LYRM2: variants seen among roughly 807,000 people sequenced by gnomAD.
LYRM2 encodes LYR motif containing 2.
A neutral mutation model predicts 11.6 loss-of-function variants in LYRM2; 8 were observed. That is an observed-to-expected ratio of 0.69 (90% CI 0.40 to 1.24). The LOEUF (loss-of-function observed/expected upper bound fraction) is 1.24, where lower values mean the gene tolerates loss of function less well. Among genes scored for constraint, LYRM2 ranks in the 50% most tolerant of loss-of-function variants. The probability of loss-of-function intolerance (pLI) is 0.01; values close to 1 mark genes in which losing one functional copy is unlikely to be tolerated. For missense variants in LYRM2, 117 were observed against 102.9 expected (o/e 1.14, Z -0.59); for synonymous variants, 30 against 36.4 (o/e 0.83, Z 0.63).
rs1278070527 is a variant in LYRM2, at chr6:89,634,118, T to G, written c.*3155A>C. 4 of 152,252 alleles carry G rather than the reference T, an allele frequency of 2.6e-5. No homozygotes were observed. The highest frequency in any genetic ancestry group is 5.9e-5 in the Non-Finnish European group (4 of 68,042). 9.4% of individuals were successfully genotyped at this position (152,252 alleles called of 1,614,324 possible). A position where few individuals can be genotyped will look rare whatever the true frequency, so the allele number is the denominator to read the frequency against. ...CATCATTTGCAATAGTTAAAGGTTA[T>G]GCAAGGCAAGGCAACATTATACTTT... On this transcript the variant is annotated 3_prime_UTR_variant, in exon 3 of 3. Transcript: ENST00000523377.
At chr6:89,637,966 C>T in intron 1 of LYRM2, 84 bp from the exon 2 acceptor site, 2 of 1,323,238 alleles carry the variant, frequency 1.5e-6, no homozygotes, top group South Asian at 2.9e-5. Flanking sequence ...AAGCTGTAAC[C>T]AGAGTACTTC....
intron 1 of LYRM2, chr6:89,638,425 G>A (rs1808081862): frequency 7.0e-7 from 1 of 1,426,438 alleles, no homozygotes; most frequent in Non-Finnish European, 9.2e-7. Context: ...GGCAGCTGAG[G>A]CACCGGGACT....
At chr6:89,638,601 G>T in intron 1 of LYRM2, 71 bp downstream of exon 1, 1 of 1,610,524 alleles carries the variant, frequency 6.2e-7, no homozygotes, top group African/African-American at 1.3e-5. Flanking sequence ...GCCCCGTTGG[G>T]GATAGGGACA....
rs1243296813 is a variant in LYRM2 at position 89,638,269 on chromosome 6, T to G, written c.46-387A>C. 3 of 1,142,940 alleles carry G rather than the reference T, an allele frequency of 2.6e-6. No individual in the cohort carries two copies. In the African/African-American group the frequency reaches 4.8e-5, roughly 18 times the overall value. The allele number at this position is 1,142,940 out of a possible 1,614,324, so 70.8% of individuals were successfully genotyped here. A position where few individuals can be genotyped will look rare whatever the true frequency, so the allele number is the denominator to read the frequency against. ...AACCATTAAAAAATCAGGAGCTGCC[T>G]ACCGGGCTGAAAAGGGCTGCCGGTC... On this transcript the variant is annotated intron_variant, in intron 1 of 2. Transcript: ENST00000523377.
At position 89,634,118 on chromosome 6, in the gene LYRM2, TGCAAG is replaced by T. The variant is rs1398671144; in HGVS notation, c.*3150_*3154del. 2 of 152,252 alleles carry T rather than the reference TGCAAG, an allele frequency of 1.3e-5. No homozygotes were observed. Among genetic ancestry groups the T allele is most frequent in the Non-Finnish European group, 2.9e-5 (2 of 68,042 alleles). The allele number at this position is 152,252 out of a possible 1,614,324, so 9.4% of individuals were successfully genotyped here. A position where few individuals can be genotyped will look rare whatever the true frequency, so the allele number is the denominator to read the frequency against. Reference sequence around the variant, plus strand: ...CATCATTTGCAATAGTTAAAGGTTATGCAAGGCAAGGCAACATTATACTTTTTGAC... The same window carrying T: ...CATCATTTGCAATAGTTAAAGGTTATGCAAGGCAACATTATACTTTTTGAC... On this transcript the variant is annotated 3_prime_UTR_variant, in exon 3 of 3. Coordinates refer to ENST00000523377, the MANE Select transcript of LYRM2 (RefSeq NM_020466.5).
At position 89,637,734 on chromosome 6, in the gene LYRM2, G is replaced by T. The variant is rs201314231; in HGVS notation, c.186+8C>A. The T allele has an allele frequency of 2.5e-6, 4 of 1,613,036 alleles. No homozygotes were observed. The highest frequency in any genetic ancestry group is 1.7e-4 in the Middle Eastern group (1 of 6,018). On this transcript the variant is annotated splice_region_variant and intron_variant, in intron 2 of 2. Coordinates refer to ENST00000523377, the MANE Select transcript of LYRM2 (RefSeq NM_020466.5). The stretch of plus-strand genomic sequence containing the variant: ...TAGGATCTGTCCTCACCATGATTTT[G>T]TTCTCACCTCTTCGGTGGCACTTTT...
intron 1 of LYRM2, chr6:89,638,308 T>C: frequency 8.5e-7 from 1 of 1,174,018 alleles, no homozygotes; most frequent in Non-Finnish European, 1.1e-6. Context: ...TAGAAGTTGT[T>C]ATTACAACGA....
At chr6:89,638,483 A>T in intron 1 of LYRM2, 189 bp downstream of exon 1, 1 of 1,508,444 alleles carries the variant, frequency 6.6e-7, no homozygotes, top group East Asian at 2.3e-5. Flanking sequence ...GCACCAAACC[A>T]AGGAAGCAGC....
At chr6:89,638,287 T>G in intron 1 of LYRM2, 1 of 1,148,802 alleles carries the variant, frequency 8.7e-7, no homozygotes, top group African/African-American at 1.6e-5. Flanking sequence ...TGAAAAGGGC[T>G]GCCGGTCTCC....
Position 89,632,383 on chromosome 6 carries a change from A to G in LYRM2, c.*4890T>C, listed in dbSNP as rs1807579369. 6.7e-6 allele frequency: 1 copy of G among 150,374 alleles called. No homozygotes were observed. The highest frequency in any genetic ancestry group is 2.5e-5 in the African/African-American group (1 of 40,812). The allele number at this position is 150,374 out of a possible 1,614,324, so 9.3% of individuals were successfully genotyped here. A position where few individuals can be genotyped will look rare whatever the true frequency, so the allele number is the denominator to read the frequency against. On this transcript the variant is annotated 3_prime_UTR_variant, in exon 3 of 3. Transcript: ENST00000523377. ...TCCTAAAAGAAAAATAATTCAGTAGATATATGTCACTGTTACCTGAATATG... is the reference window on the plus strand; with the variant it reads ...TCCTAAAAGAAAAATAATTCAGTAGGTATATGTCACTGTTACCTGAATATG...
chr6:89,637,376 G>C (rs376910547), intron 2 of LYRM2, 23 bp from the exon 3 acceptor site: 9 of 1,501,716 alleles, frequency 6.0e-6, no homozygotes, highest in African/African-American at 1.4e-5. Context: ...GTGAAATCTG[G>C]TTATAGTTTT....
In LYRM2 at chr6:89,636,681, T is replaced by TG. The variant is rs1563220295; in HGVS notation, c.*591_*592insC. 1.4e-5 allele frequency: 1 copy of TG among 70,144 alleles called. No individual in the cohort carries two copies. 4.3% of individuals were successfully genotyped at this position (70,144 alleles called of 1,614,324 possible). ...CTAGTGAATGTGAATCTCAGGGTTG[T>TG]TTTTTTTTTTTTTTTTTAGAGACTG... On this transcript the variant is annotated 3_prime_UTR_variant, in exon 3 of 3. Transcript: ENST00000523377.
chr6:89,635,878 A>C lies in LYRM2; in HGVS notation c.*1395T>G, dbSNP rs990457714. ...TCCATGTGAATGTTAAGGTACTCACAGAGGTTTCATCCAGAAGTCTTCCCT... is the reference window on the plus strand; with the variant it reads ...TCCATGTGAATGTTAAGGTACTCACCGAGGTTTCATCCAGAAGTCTTCCCT... On this transcript the variant is annotated 3_prime_UTR_variant, in exon 3 of 3. Coordinates refer to ENST00000523377, the MANE Select transcript of LYRM2 (RefSeq NM_020466.5). 6 of 152,864 alleles carry C rather than the reference A, an allele frequency of 3.9e-5. No individual in the cohort carries two copies. The allele number at this position is 152,864 out of a possible 1,614,324, so 9.5% of individuals were successfully genotyped here.
Position 89,634,372 on chromosome 6 carries a change from A to G in LYRM2, c.*2901T>C, listed in dbSNP as rs539979926. On this transcript the variant is annotated 3_prime_UTR_variant, in exon 3 of 3. Transcript: ENST00000523377. ...CAAGGAATATGTTCTGCTTTCTGCA[A>G]TTTTAGAAAGTCATTCCATTCTGGG... 51 of 152,234 alleles carry G rather than the reference A, an allele frequency of 3.4e-4. No homozygotes were observed. The highest frequency in any genetic ancestry group is 1.1e-3 in the African/African-American group (44 of 41,562). 9.4% of individuals were successfully genotyped at this position (152,234 alleles called of 1,614,324 possible).
rs895219148 is a variant in LYRM2 at position 89,634,798 on chromosome 6, AT to A, written c.*2474del. 1.3e-5 allele frequency: 2 copies of A among 151,828 alleles called. No homozygotes were observed. Among genetic ancestry groups the A allele is most frequent in the African/African-American group, 2.4e-5 (1 of 41,316 alleles). The allele number at this position is 151,828 out of a possible 1,614,324, so 9.4% of individuals were successfully genotyped here. Reference sequence around the variant, plus strand: ...ACTTCTAACTTGATGGCACTTTTTTATTTTTTTTGAGACAAGAGTCTCACTC... The same window carrying A: ...ACTTCTAACTTGATGGCACTTTTTTATTTTTTTGAGACAAGAGTCTCACTC... On this transcript the variant is annotated 3_prime_UTR_variant, in exon 3 of 3. Transcript: ENST00000523377.
chr6:89,637,611 ATTACAAGCAATGATC>A (rs1808043977), intron 2 of LYRM2, 116 bp downstream of exon 2: 1 of 828,468 alleles, frequency 1.2e-6, no homozygotes, highest in South Asian at 2.1e-5. Flanking sequence ...AATCGGTAAC[ATTACAAGCAATGATC>A]AAGATATACC....
chr6:89,638,283 G>A, intron 1 of LYRM2: 2 of 1,146,058 alleles, frequency 1.7e-6, no homozygotes, highest in Non-Finnish European at 2.2e-6. Flanking sequence ...GGGCTGAAAA[G>A]GGCTGCCGGT....
intron 1 of LYRM2, 97 bp from the exon 2 acceptor site, chr6:89,637,979 G>A (rs1808059719): frequency 3.2e-6 from 4 of 1,244,964 alleles, no homozygotes; most frequent in Non-Finnish European, 3.3e-6. Flanking sequence ...AGTACTTCTC[G>A]TTGGTCAATT....
chr6:89,637,592 AT>A, intron 2 of LYRM2, 149 bp downstream of exon 2: 2 of 723,042 alleles, frequency 2.8e-6, no homozygotes, highest in Non-Finnish European at 4.4e-6. Flanking sequence ...TTTTAAAATA[AT>A]AATTTAAAAT....
Sources: gnomAD v4.1 joint callset for allele counts on GRCh38, gnomAD v4.1.1 for gene constraint, MANE v1.5 for transcripts, NCBI Gene and HGNC (gene_info 2026-07-23, HGNC 2026-07-21) for gene names.